Variants in AMOTL1 observed in about 807,000 individuals in gnomAD.
The protein encoded by AMOTL1 is angiomotin-like protein 1.
A neutral mutation model predicts 102.9 loss-of-function variants in AMOTL1; 45 were observed. That is an observed-to-expected ratio of 0.44 (90% CI 0.34 to 0.56). The LOEUF is 0.56. Among genes scored for constraint, AMOTL1 ranks in the 20% least tolerant of loss-of-function variants. AMOTL1 has a pLI of 0.01. For synonymous variants in AMOTL1, 481 were observed against 484.7 expected (o/e 0.99, Z 0.10); for missense variants, 1,114 against 1,225.6 (o/e 0.91, Z 1.36).
intron 8 of AMOTL1, among the ~76,000 whole-genome samples, chr11:94,856,834 A>G (rs1952676344): frequency 6.6e-6 from 1 of 152,222 alleles, no homozygotes; most frequent in Non-Finnish European, 1.5e-5. Context: ...TTTTGAGAGC[A>G]CAGCTTAGAG....
chr11:94,763,344 C>T (rs1323451725), intron 3 of AMOTL1, among the ~76,000 whole-genome samples: 1 of 152,202 alleles, frequency 6.6e-6, no homozygotes, highest in East Asian at 1.9e-4. Context: ...CTGAATTATG[C>T]TCCTGCCAAC....
intron 1 of AMOTL1, among the ~76,000 whole-genome samples, chr11:94,723,219 A>C (rs1324107058): frequency 6.6e-6 from 1 of 152,122 alleles, no homozygotes; most frequent in Non-Finnish European, 1.5e-5. Flanking sequence ...TTTTATCCTG[A>C]GGAGACAACT....
intron 1 of AMOTL1, among the ~76,000 whole-genome samples, chr11:94,788,775 T>A (rs1021365871): frequency 6.6e-6 from 1 of 152,374 alleles, no homozygotes; most frequent in East Asian, 1.9e-4. Flanking sequence ...AGGTTAAGCA[T>A]GTGCTCTGCA....
At chr11:94,800,717 A>T (rs1951461546) in intron 3 of AMOTL1, among the ~76,000 whole-genome samples, 1 of 152,230 alleles carries the variant, frequency 6.6e-6, no homozygotes, top group African/African-American at 2.4e-5. Context: ...TCTGAATGCT[A>T]GAATGGAGGA....
chr11:94,768,689 A>G, intron 1 of AMOTL1, 129 bp downstream of exon 1: 1 of 1,343,068 alleles, frequency 7.4e-7, no homozygotes, highest in South Asian at 1.3e-5. Context: ...CCCGGGGCTG[A>G]GATCCCAGAT....
chr11:94,831,383 C>T, intron 5 of AMOTL1, 69 bp from the exon 6 acceptor site: 3 of 1,316,356 alleles, frequency 2.3e-6, no homozygotes, highest in Non-Finnish European at 3.2e-6. Context: ...GCACATATTT[C>T]ATTTCTTGGT....
intron 1 of AMOTL1, among the ~76,000 whole-genome samples, chr11:94,770,659 GGA>G (rs1338316878): frequency 2.0e-5 from 3 of 152,182 alleles, no homozygotes; most frequent in Admixed American, 1.3e-4. Context: ...TGCAGATGAT[GGA>G]GGATGTAGCA....
chr11:94,726,230 CCTT>C (rs1950255925), intron 1 of AMOTL1, among the ~76,000 whole-genome samples: 1 of 152,110 alleles, frequency 6.6e-6, no homozygotes, highest in Non-Finnish European at 1.5e-5. Context: ...GAGAGTTAAA[CCTT>C]CTTAAATCCA....
upstream of AMOTL1, among the ~76,000 whole-genome samples, chr11:94,766,516 A>G (rs983342665): frequency 6.6e-6 from 1 of 152,204 alleles, no homozygotes; most frequent in African/African-American, 2.4e-5. Context: ...TGCTTCCTAG[A>G]CTATAGGATG....
chr11:94,821,919 C>A, intron 4 of AMOTL1, 98 bp downstream of exon 4: 1 of 1,450,452 alleles, frequency 6.9e-7, no homozygotes, highest in South Asian at 1.3e-5. Context: ...CAGTAGACCC[C>A]TTTTTATACT....
chr11:94,772,350 A>G (rs895792597), intron 1 of AMOTL1, among the ~76,000 whole-genome samples: 9 of 152,192 alleles, frequency 5.9e-5, no homozygotes, highest in African/African-American at 1.7e-4. Context: ...CTACACCTCT[A>G]TAGTTGCACT....
chr11:94,836,416 A>T (rs550355808), intron 6 of AMOTL1, among the ~76,000 whole-genome samples: 4 of 152,220 alleles, frequency 2.6e-5, no homozygotes, highest in African/African-American at 9.6e-5. Context: ...GTCATGATTT[A>T]TTTGGGTGAC....
chr11:94,784,376 A>C (rs1325192858), intron 1 of AMOTL1, among the ~76,000 whole-genome samples: 1 of 152,178 alleles, frequency 6.6e-6, no homozygotes, highest in Non-Finnish European at 1.5e-5. Flanking sequence ...ATGAGTGTAT[A>C]GTTTTTGTTA....
At chr11:94,802,150 C>T (rs905253945) in intron 3 of AMOTL1, among the ~76,000 whole-genome samples, 4 of 152,168 alleles carry the variant, frequency 2.6e-5, no homozygotes, top group Non-Finnish European at 4.4e-5. Flanking sequence ...AACGCATTCT[C>T]CCTAAGTGGG....
At chr11:94,834,797 C>G (rs1952141560) in intron 6 of AMOTL1, among the ~76,000 whole-genome samples, 1 of 152,132 alleles carries the variant, frequency 6.6e-6, no homozygotes, top group African/African-American at 2.4e-5. Flanking sequence ...GTTCAAGCAG[C>G]AGGTGGGACT....
chr11:94,767,978 GA>G (rs936587657), upstream of AMOTL1, among the ~76,000 whole-genome samples: 4 of 151,806 alleles, frequency 2.6e-5, no homozygotes, highest in African/African-American at 7.3e-5. Flanking sequence ...CACTTAAGAA[GA>G]AAAAAAACCA....
At chr11:94,870,552 G>T (rs746470408) in intron 12 of AMOTL1, 137 bp from the exon 13 acceptor site, 9 of 588,408 alleles carry the variant, frequency 1.5e-5, no homozygotes, top group South Asian at 1.2e-4. Context: ...CCCACTGTGG[G>T]CTGGATCATC....
chr11:94,854,929 T>C lies in AMOTL1; in HGVS notation c.1944+847T>C, dbSNP rs368378063. The stretch of plus-strand genomic sequence containing the variant: ...CTTCTCTGCTGGTAACAACTGAGCA[T>C]GTAACTCAGCTATGAGTAAGCACAG... On this transcript the variant is annotated intron_variant, in intron 8 of 12. Coordinates refer to ENST00000433060, the MANE Select transcript of AMOTL1 (RefSeq NM_130847.3). Among the ~76,000 whole-genome samples the C allele has an allele frequency of 1.3e-4, 20 of 152,286 alleles. 1 individual carries two copies. The South Asian group carries it at 3.9e-3, about 30-fold the overall frequency.
At chr11:94,796,604 G>A (rs539209629) in intron 2 of AMOTL1, among the ~76,000 whole-genome samples, 1 of 152,302 alleles carries the variant, frequency 6.6e-6, no homozygotes, top group Non-Finnish European at 1.5e-5. Context: ...TGAGGGCACG[G>A]AAGAACGGAT....
Sources: allele counts gnomAD v4.1 joint callset (sites outside exome capture counted in the v4.1 genomes callset), GRCh38; gene constraint gnomAD v4.1.1; transcripts MANE v1.5; gene names NCBI Gene and HGNC (gene_info 2026-07-23, HGNC 2026-07-21).